The following TLN2 variants were observed in gnomAD, a reference collection of about 807,000 sequenced individuals.
The protein encoded by TLN2 is talin 2.
TLN2 carries 118 observed loss-of-function variants against 294.7 expected under a neutral mutation model. The ratio of observed to expected loss-of-function variants is 0.40; its 90% CI spans 0.34 to 0.47. The LOEUF (loss-of-function observed/expected upper bound fraction) is 0.47. Ranked by LOEUF, TLN2 falls within the 20% of genes least tolerant of loss-of-function variation. TLN2 has a pLI of 0.84. For missense variants in TLN2, 3,083 were observed against 3,282.2 expected, an observed-to-expected ratio of 0.94 and a Z score of 1.48; for synonymous variants, 1,431 against 1,304.5, an observed-to-expected ratio of 1.10 and a Z score of -2.09.
At chr15:62,716,176 T>A (rs899200360) in intron 22 of TLN2, among the ~76,000 whole-genome samples, 155 bp from the exon 23 acceptor site, 2 of 152,254 alleles carry the variant, frequency 1.3e-5, no homozygotes, top group African/African-American at 2.4e-5. Flanking sequence ...TATTTTTTGT[T>A]GCATGAGGAA....
At chr15:62,728,768 T>C (rs886899744) in intron 28 of TLN2, among the ~76,000 whole-genome samples, 16 of 152,232 alleles carry the variant, frequency 1.1e-4, no homozygotes, top group Non-Finnish European at 2.1e-4. Context: ...ATAGGAGTTC[T>C]TTGTTACTTA....
chr15:62,583,232 A>G (rs1242434328), intron 1 of TLN2, among the ~76,000 whole-genome samples: 1 of 152,194 alleles, frequency 6.6e-6, no homozygotes, highest in Non-Finnish European at 1.5e-5. Flanking sequence ...TGCTTTTTTC[A>G]GGAAATCAGT....
At chr15:62,526,025 G>C (rs2040719230) in intron 1 of TLN2, among the ~76,000 whole-genome samples, 1 of 152,132 alleles carries the variant, frequency 6.6e-6, no homozygotes, top group Admixed American at 6.5e-5. Flanking sequence ...GCTTGGAGTA[G>C]GCAATGATGT....
chr15:62,522,794 AC>A (rs66675982), intron 1 of TLN2, among the ~76,000 whole-genome samples: 31,003 of 151,878 alleles, frequency 0.2, 4,111 homozygotes, highest in African/African-American at 0.37. Context: ...GAGTTCAAAA[AC>A]CAGAGAAGAA....
intron 1 of TLN2, among the ~76,000 whole-genome samples, chr15:62,432,384 C>T (rs939238839): frequency 6.6e-6 from 1 of 152,280 alleles, no homozygotes; most frequent in East Asian, 1.9e-4. Flanking sequence ...GGCCTTCTTG[C>T]TGTGTCCTCA....
In TLN2 at chr15:62,722,526, G is replaced by C. The variant is rs775857374; in HGVS notation, c.3126+39G>C. 53 of 1,579,924 alleles carry C rather than the reference G, an allele frequency of 3.4e-5. 1 individual carries two copies. The South Asian group carries it at 3.9e-4, about 12-fold the overall frequency. On this transcript the variant is annotated intron_variant, in intron 26 of 58. Transcript: ENST00000636159. ...GTCATAGGGGTTAACTTGTCAGGAA[G>C]GGAGCTGGGGTGGCATGGGTACCAC...
In TLN2 at chr15:62,568,445, G is replaced by C. The variant is rs1003900067; in HGVS notation, c.-237-21242G>C. On this transcript the variant is annotated intron_variant, in intron 1 of 58. Transcript: ENST00000636159. ...ACGATTATTTTTGGTCTATAGGTAA[G>C]AGGTACAATTTAAAGAAAAGGTAGG... Among the ~76,000 whole-genome samples, 6 of 152,186 alleles carry C rather than the reference G, an allele frequency of 3.9e-5. No individual in the cohort carries two copies. In the South Asian group the frequency reaches 1.0e-3, roughly 26 times the overall value.
chr15:62,740,040 G>GTTT (rs1446897400), intron 31 of TLN2, among the ~76,000 whole-genome samples: 12 of 131,870 alleles, frequency 9.1e-5, no homozygotes, highest in South Asian at 2.4e-4. Flanking sequence ...GCAGAGCTGT[G>GTTT]TTTTTTGTTT....
In TLN2 at chr15:62,451,501, C is replaced by CA. The variant is rs1017043031; in HGVS notation, c.-238+60822dup. ...TGAAACCCCGTCTCTACTAAAAATACAAAAAATTAGCTAGGCATGGTGGTG... is the reference window on the plus strand; with the variant it reads ...TGAAACCCCGTCTCTACTAAAAATACAAAAAAATTAGCTAGGCATGGTGGTG... On this transcript the variant is annotated intron_variant, in intron 1 of 58. Transcript: ENST00000636159. Among the ~76,000 whole-genome samples, 41 of 152,216 alleles carry CA rather than the reference C, an allele frequency of 2.7e-4. 1 individual carries two copies. The highest frequency in any genetic ancestry group is 3.4e-3 in the Middle Eastern group (1 of 294).
intron 1 of TLN2, among the ~76,000 whole-genome samples, chr15:62,536,060 A>T (rs556906300): frequency 6.6e-6 from 1 of 152,292 alleles, no homozygotes; most frequent in South Asian, 2.1e-4. Flanking sequence ...TATTGTTACT[A>T]TTATTGCTGT....
At chr15:62,436,130 C>T (rs529666040) in intron 1 of TLN2, among the ~76,000 whole-genome samples, 145 of 152,214 alleles carry the variant, frequency 9.5e-4, no homozygotes, top group Non-Finnish European at 1.5e-3. Context: ...TGCTAACCTC[C>T]TGTTTGACCT....
intron 40 of TLN2, among the ~76,000 whole-genome samples, chr15:62,766,115 C>A (rs1409606392): frequency 2.0e-5 from 3 of 152,202 alleles, no homozygotes; most frequent in Non-Finnish European, 4.4e-5. Context: ...GCAAAAGCAT[C>A]TCTCATGCCT....
intron 9 of TLN2, among the ~76,000 whole-genome samples, chr15:62,667,022 G>A (rs1279422225): frequency 6.6e-6 from 1 of 152,176 alleles, no homozygotes; most frequent in Non-Finnish European, 1.5e-5. Flanking sequence ...CTGGAGTGCA[G>A]TGGCATGATC....
chr15:62,790,063 T>C (rs1185528839), intron 45 of TLN2, among the ~76,000 whole-genome samples: 1 of 152,196 alleles, frequency 6.6e-6, no homozygotes, highest in African/African-American at 2.4e-5. Flanking sequence ...GGTCAAGAAC[T>C]GGGAGGAAAC....
intron 46 of TLN2, among the ~76,000 whole-genome samples, chr15:62,794,474 C>G (rs1287828417): frequency 1.3e-5 from 2 of 152,192 alleles, no homozygotes; most frequent in Non-Finnish European, 2.9e-5. Context: ...TTTCTGGACT[C>G]TTTTTCTTTC....
chr15:62,553,025 T>C (rs1337697368), intron 1 of TLN2, among the ~76,000 whole-genome samples: 1 of 152,238 alleles, frequency 6.6e-6, no homozygotes, highest in African/African-American at 2.4e-5. Context: ...TGCTTTTCTT[T>C]CTAAAAAATA....
intron 1 of TLN2, among the ~76,000 whole-genome samples, chr15:62,466,340 G>A (rs969121508): frequency 6.6e-6 from 1 of 152,134 alleles, no homozygotes; most frequent in Non-Finnish European, 1.5e-5. Flanking sequence ...CTACATTTTA[G>A]GCTTTCTCAG....
chr15:62,709,017 T>C (rs2059252168), intron 21 of TLN2, among the ~76,000 whole-genome samples: 1 of 152,240 alleles, frequency 6.6e-6, no homozygotes, highest in Non-Finnish European at 1.5e-5. Flanking sequence ...TTATAATGGT[T>C]AGATTTTGTT....
rs542100486 is a variant in TLN2 at position 62,594,469 on chromosome 15, A to G, written c.-162+4707A>G. ...GTGATCCTCCCACCTCAGCCTCTCA[A>G]AGTGCTGGGATTACAGACGTAGCCA... is the stretch of plus-strand genomic sequence containing the variant. On this transcript the variant is annotated intron_variant, in intron 2 of 58. Transcript: ENST00000636159. Among the ~76,000 whole-genome samples the G allele has an allele frequency of 7.2e-5, 11 of 152,256 alleles. No homozygotes were observed. In the East Asian group the frequency reaches 1.5e-3, roughly 21 times the overall value.
Sources: gnomAD v4.1 joint callset for allele counts (sites outside exome capture counted in the v4.1 genomes callset) on GRCh38, gnomAD v4.1.1 for gene constraint, MANE v1.5 for transcripts, NCBI Gene and HGNC (gene_info 2026-07-23, HGNC 2026-07-21) for gene names.